The following TMEM108 variants were observed in gnomAD, a reference collection of about 807,000 sequenced individuals.
TMEM108 encodes the protein cancer/testis antigen 124.
A neutral mutation model predicts 35.1 loss-of-function variants in TMEM108; 12 were observed. That is an observed-to-expected ratio of 0.34 (90% CI 0.22 to 0.55). The LOEUF (loss-of-function observed/expected upper bound fraction) is 0.55. TMEM108 is among the 20% of genes least tolerant of loss of function. The pLI is 0.89. For synonymous variants in TMEM108, 287 were observed against 308.6 expected, an observed-to-expected ratio of 0.93 and a Z score of 0.73; for missense variants, 680 against 753.3, an observed-to-expected ratio of 0.90 and a Z score of 1.14.
chr3:133,279,116 C>G (rs145092181), intron 3 of TMEM108, among the ~76,000 whole-genome samples: 113 of 152,280 alleles, frequency 7.4e-4, no homozygotes, highest in African/African-American at 2.5e-3. Context: ...GTTGGGCAAA[C>G]CAGCCTAGTC....
intron 3 of TMEM108, among the ~76,000 whole-genome samples, chr3:133,337,044 C>T (rs1228630145): frequency 6.6e-6 from 1 of 152,072 alleles, no homozygotes; most frequent in Non-Finnish European, 1.5e-5. Flanking sequence ...AGTAGAACAC[C>T]AGGTAGGTAG....
chr3:133,352,759 T>C (rs2072042123), intron 3 of TMEM108, among the ~76,000 whole-genome samples: 1 of 152,172 alleles, frequency 6.6e-6, no homozygotes, highest in African/African-American at 2.4e-5. Flanking sequence ...CCCACCCTCC[T>C]AGCACTGTTA....
At chr3:133,163,718 C>T (rs934912924) in intron 2 of TMEM108, among the ~76,000 whole-genome samples, 6 of 152,168 alleles carry the variant, frequency 3.9e-5, no homozygotes, top group South Asian at 2.1e-4. Context: ...TTTAGACCTC[C>T]GTGCCTCACT....
chr3:133,137,992 A>G (rs921311895), intron 2 of TMEM108, among the ~76,000 whole-genome samples: 1 of 152,230 alleles, frequency 6.6e-6, no homozygotes, highest in African/African-American at 2.4e-5. Context: ...ACATGAATGG[A>G]TAGCCTTTTG....
chr3:133,096,814 T>C (rs1559831206), intron 2 of TMEM108, among the ~76,000 whole-genome samples: 1 of 152,228 alleles, frequency 6.6e-6, no homozygotes. Flanking sequence ...CAGAAGACTG[T>C]GGGTGAACTG....
At chr3:133,040,566 G>T (rs1488283271) in intron 1 of TMEM108, among the ~76,000 whole-genome samples, 1 of 152,074 alleles carries the variant, frequency 6.6e-6, no homozygotes, top group Non-Finnish European at 1.5e-5. Context: ...GGTGAGGTAG[G>T]TGGCATAGTA....
At chr3:133,260,847 G>A (rs1946613444) in intron 3 of TMEM108, among the ~76,000 whole-genome samples, 1 of 152,116 alleles carries the variant, frequency 6.6e-6, no homozygotes, top group Non-Finnish European at 1.5e-5. Context: ...ATGGATATGG[G>A]GCAATATGAG....
At chr3:133,343,722 A>G (rs1459572710) in intron 3 of TMEM108, among the ~76,000 whole-genome samples, 1 of 151,848 alleles carries the variant, frequency 6.6e-6, no homozygotes, top group Non-Finnish European at 1.5e-5. Context: ...GTACAGTGAA[A>G]TGTTAGGGTG....
chr3:133,176,082 T>C (rs1945222991), intron 2 of TMEM108, among the ~76,000 whole-genome samples: 1 of 152,044 alleles, frequency 6.6e-6, no homozygotes, highest in African/African-American at 2.4e-5. Flanking sequence ...AGAAGGTTGT[T>C]ACATAATGGT....
intron 2 of TMEM108, chr3:133,119,619 A>C (rs1006423449): frequency 6.6e-6 from 1 of 152,192 alleles, no homozygotes; most frequent in Non-Finnish European, 1.5e-5. Flanking sequence ...AGGAAGGGCC[A>C]TTTTCAAATG....
intron 3 of TMEM108, among the ~76,000 whole-genome samples, chr3:133,259,606 G>A (rs1016655940): frequency 4.6e-5 from 7 of 152,182 alleles, no homozygotes; most frequent in South Asian, 2.1e-4. Flanking sequence ...CTGCAAGCCC[G>A]GTGTTCTTTC....
intron 3 of TMEM108, among the ~76,000 whole-genome samples, chr3:133,336,968 G>A (rs1307207414): frequency 2.6e-5 from 4 of 152,066 alleles, no homozygotes; most frequent in South Asian, 2.1e-4. Context: ...CTCTCCCTGT[G>A]GAAAGGGGAG....
chr3:133,069,707 C>T (rs1187016143), intron 2 of TMEM108, among the ~76,000 whole-genome samples: 1 of 152,084 alleles, frequency 6.6e-6, no homozygotes, highest in Non-Finnish European at 1.5e-5. Context: ...TCCTTCATTT[C>T]TTAAGACTTT....
At chr3:133,388,037 A>C in intron 4 of TMEM108, 1 of 985,430 alleles carries the variant, frequency 1.0e-6, no homozygotes, top group Non-Finnish European at 1.2e-6. Context: ...GTGGGGCATG[A>C]TGGGATGTGC....
chr3:133,180,914 A>G (rs191929471), intron 2 of TMEM108, among the ~76,000 whole-genome samples: 2 of 149,314 alleles, frequency 1.3e-5, no homozygotes, highest in African/African-American at 4.9e-5. Context: ...TTTAACACAA[A>G]CTTCACTCTT....
intron 2 of TMEM108, among the ~76,000 whole-genome samples, chr3:133,069,771 G>T (rs1185175846): frequency 2.6e-5 from 4 of 152,064 alleles, no homozygotes; most frequent in African/African-American, 9.7e-5. Flanking sequence ...TCCAGGCTTT[G>T]TCTGTCTGTT....
chr3:133,288,750 G>T (rs1033419540), intron 3 of TMEM108, among the ~76,000 whole-genome samples: 7 of 152,088 alleles, frequency 4.6e-5, no homozygotes, highest in African/African-American at 1.4e-4. Context: ...ATAATTTGGG[G>T]GTTTTTTGAG....
At chr3:133,111,985 A>C (rs1217788853) in intron 2 of TMEM108, among the ~76,000 whole-genome samples, 1 of 152,220 alleles carries the variant, frequency 6.6e-6, no homozygotes, top group Admixed American at 6.6e-5. Context: ...AAACAAGAAC[A>C]AACCCTGAGG....
chr3:133,221,468 TAAG>T (rs1945989285), intron 2 of TMEM108, among the ~76,000 whole-genome samples: 1 of 152,210 alleles, frequency 6.6e-6, no homozygotes, highest in Non-Finnish European at 1.5e-5. Context: ...CAGTAAATTA[TAAG>T]GAGTTTTGTG....
Sources: allele counts gnomAD v4.1 joint callset (sites outside exome capture counted in the v4.1 genomes callset), GRCh38; gene constraint gnomAD v4.1.1; transcripts MANE v1.5; gene names NCBI Gene and HGNC (gene_info 2026-07-23, HGNC 2026-07-21).